Variants in PSMD1 observed in about 807,000 individuals in gnomAD.
The protein encoded by PSMD1 is proteasome 26S subunit, non-ATPase 1, also known as 26S proteasome non-ATPase regulatory subunit 1.
In PSMD1, 18 loss-of-function variants were observed where a neutral mutation model predicts 119.0. The observed-to-expected ratio is 0.15, with a 90% CI of 0.10 to 0.22. PSMD1 has a LOEUF of 0.22. PSMD1 is among the 10% of genes least tolerant of loss of function. The pLI is 1.00. For synonymous variants in PSMD1, 374 were observed against 396.6 expected (o/e 0.94, Z 0.68); for missense variants, 702 against 1,158.5 (o/e 0.61, Z 5.72).
chr2:231,084,341 G>C (rs1284363924), intron 14 of PSMD1, among the ~76,000 whole-genome samples: 2 of 151,756 alleles, frequency 1.3e-5, no homozygotes, highest in Non-Finnish European at 2.9e-5. Flanking sequence ...GACAGAGCAA[G>C]ACTCCATCTC....
At chr2:231,127,579 T>C (rs1022924942) in intron 16 of PSMD1, among the ~76,000 whole-genome samples, 1 of 152,164 alleles carries the variant, frequency 6.6e-6, no homozygotes, top group African/African-American at 2.4e-5. Flanking sequence ...GGTCTCGAAC[T>C]CTTGACCTCA....
intron 8 of PSMD1, 64 bp from the exon 9 acceptor site, chr2:231,076,970 T>C (rs1694183072): frequency 7.0e-7 from 1 of 1,423,254 alleles, no homozygotes; most frequent in East Asian, 2.5e-5. Flanking sequence ...GAAATAAAAT[T>C]GGGTTACTGG....
intron 16 of PSMD1, among the ~76,000 whole-genome samples, chr2:231,107,445 T>C (rs1695003505): frequency 6.6e-6 from 1 of 152,222 alleles, no homozygotes; most frequent in Admixed American, 6.5e-5. Flanking sequence ...TTTGCACTTA[T>C]AACAGGAGCA....
chr2:231,138,806 G>A lies in PSMD1; in HGVS notation c.1954G>A (p.Ala652Thr), dbSNP rs760912838. The change falls in exon 17 of 25, where the codon GCT becomes ACT. Residue 652 changes from alanine to threonine, a missense_variant. Physicochemically the swap from Ala to Thr is moderately conservative, Grantham distance 58. Transcript: ENST00000308696. ...ESYNPHVRYG[A>T]AMALGICCAG... ...TTACAACCCTCATGTGCGCTACGGAGCTGCAATGGCCTTGGGGATATGCTG... is the reference window on the plus strand; with the variant it reads ...TTACAACCCTCATGTGCGCTACGGAACTGCAATGGCCTTGGGGATATGCTG... 6.2e-7 allele frequency: 1 copy of A among 1,614,156 alleles called. No individual in the cohort carries two copies. Among genetic ancestry groups the A allele is most frequent in the East Asian group, 2.2e-5 (1 of 44,880 alleles).
At chr2:231,064,099 C>CTAAA (rs1693833196) in intron 4 of PSMD1, among the ~76,000 whole-genome samples, 1 of 152,206 alleles carries the variant, frequency 6.6e-6, no homozygotes, top group Admixed American at 6.5e-5. Context: ...TAGATGCCTT[C>CTAAA]TAAACACTGT....
chr2:231,087,259 A>G (rs1694475954), intron 16 of PSMD1, 78 bp downstream of exon 16: 6 of 1,254,612 alleles, frequency 4.8e-6, no homozygotes, highest in Middle Eastern at 5.2e-4. Flanking sequence ...AAACTACCAA[A>G]CAGTTTAGTC....
intron 1 of PSMD1, chr2:231,060,413 C>G (rs995140722): frequency 2.0e-5 from 3 of 152,208 alleles, no homozygotes; most frequent in African/African-American, 7.2e-5. Flanking sequence ...AGTTTCAACT[C>G]GGTGTTCTGG....
At position 231,124,108 on chromosome 2, in the gene PSMD1, A is replaced by C; in HGVS notation, c.1884-14628A>C. On this transcript the variant is annotated intron_variant, in intron 16 of 24. Coordinates refer to ENST00000308696, the MANE Select transcript of PSMD1 (RefSeq NM_002807.4). The stretch of plus-strand genomic sequence containing the variant: ...GCCGTAGTTGTAGAGTCGTGTTTGA[A>C]CTTGCATGCCAGAGAGTTCCCCCTA... 3 of 262,718 alleles carry C rather than the reference A, an allele frequency of 1.1e-5. No homozygotes were observed. In the South Asian group the frequency reaches 1.4e-4, roughly 12 times the overall value. The allele number at this position is 262,718 out of a possible 1,614,324, so 16.3% of individuals were successfully genotyped here.
chr2:231,069,579 G>A (rs1260843540), intron 5 of PSMD1, among the ~76,000 whole-genome samples: 8 of 152,204 alleles, frequency 5.3e-5, no homozygotes, highest in Admixed American at 4.6e-4. Flanking sequence ...CAATGCTTGA[G>A]TCACTGAGAG....
chr2:231,152,250 T>A (rs992968049), intron 18 of PSMD1, among the ~76,000 whole-genome samples: 1 of 152,194 alleles, frequency 6.6e-6, no homozygotes, highest in African/African-American at 2.4e-5. Context: ...GTTCATTGTT[T>A]CCCCACTATA....
At chr2:231,163,828 C>G in intron 21 of PSMD1, 101 bp downstream of exon 21, 1 of 806,774 alleles carries the variant, frequency 1.2e-6, no homozygotes, top group Non-Finnish European at 1.9e-6. Context: ...AAAAGTAACA[C>G]TTCTTATGCT....
At chr2:231,163,842 A>G in intron 21 of PSMD1, 115 bp downstream of exon 21, 1 of 734,854 alleles carries the variant, frequency 1.4e-6, no homozygotes, top group Non-Finnish European at 2.2e-6. Context: ...TTATGCTAAC[A>G]TTTGACATTA....
At chr2:231,107,875 T>G (rs1276228789) in intron 16 of PSMD1, among the ~76,000 whole-genome samples, 1 of 152,272 alleles carries the variant, frequency 6.6e-6, no homozygotes, top group South Asian at 2.1e-4. Context: ...CTACCTGTGC[T>G]GAGTAGAAGC....
intron 19 of PSMD1, among the ~76,000 whole-genome samples, chr2:231,155,626 T>TTATCTTTA (rs1204323438): frequency 2.0e-5 from 3 of 151,396 alleles, no homozygotes; most frequent in African/African-American, 7.3e-5. Context: ...ATTTTTGATC[T>TTATCTTTA]TATCTTTATT....
chr2:231,142,078 T>A (rs1261608870), intron 17 of PSMD1, among the ~76,000 whole-genome samples: 1 of 152,030 alleles, frequency 6.6e-6, no homozygotes. Context: ...AGGCGGGGTT[T>A]CACCATGTTG....
At chr2:231,120,905 T>C (rs1695518938) in intron 16 of PSMD1, among the ~76,000 whole-genome samples, 1 of 152,216 alleles carries the variant, frequency 6.6e-6, no homozygotes, top group Non-Finnish European at 1.5e-5. Context: ...GAAGTTCTTA[T>C]AAATGCATTA....
chr2:231,105,911 T>C lies in PSMD1; in HGVS notation c.1883+18730T>C, dbSNP rs562951498. ...TGTTTTTGCCCCAGTATCTTTGTGT[T>C]TCTGTCTGGGTGCTTGACTTTTCCT... On this transcript the variant is annotated intron_variant, in intron 16 of 24. Coordinates refer to ENST00000308696, the MANE Select transcript of PSMD1 (RefSeq NM_002807.4). Among the ~76,000 whole-genome samples, 280 of 152,288 alleles carry C rather than the reference T, an allele frequency of 1.8e-3. 4 individuals are homozygous for C. Among genetic ancestry groups the C allele is most frequent in the South Asian group, 0.011 (51 of 4,818 alleles).
intron 23 of PSMD1, 130 bp downstream of exon 23, chr2:231,166,147 A>G (rs2303349): frequency 0.37 from 362,929 of 992,796 alleles, 71,774 homozygotes; most frequent in East Asian, 0.63. Flanking sequence ...AAATTATTTA[A>G]CAAAAGAGAG....
intron 16 of PSMD1, among the ~76,000 whole-genome samples, chr2:231,103,353 A>G (rs1239119136): frequency 2.0e-5 from 3 of 152,184 alleles, no homozygotes; most frequent in Non-Finnish European, 4.4e-5. Flanking sequence ...TCCTTATGAC[A>G]TAATATTTAC....
Sources: gnomAD v4.1 joint callset for allele counts (sites outside exome capture counted in the v4.1 genomes callset) on GRCh38, gnomAD v4.1.1 for gene constraint, MANE v1.5 for transcripts, NCBI Gene and HGNC (gene_info 2026-07-23, HGNC 2026-07-21) for gene names.